EHD4: variants seen among roughly 807,000 people sequenced by gnomAD.
EHD4 encodes the protein EH domain-containing protein 4.
Under a neutral mutation model 51.0 loss-of-function variants are expected in EHD4, and 37 were observed. That is an observed-to-expected ratio of 0.73 (90% CI 0.56 to 0.95). EHD4 has a LOEUF of 0.95. EHD4 is among the 40% of genes least tolerant of loss of function. EHD4 has a pLI of 0.00. For synonymous variants in EHD4, 297 were observed against 317.3 expected, an observed-to-expected ratio of 0.94 and a Z score of 0.68; for missense variants, 632 against 733.1, an observed-to-expected ratio of 0.86 and a Z score of 1.59.
chr15:41,924,382 C>T (rs1257451837), intron 3 of EHD4, among the ~76,000 whole-genome samples: 1 of 152,194 alleles, frequency 6.6e-6, no homozygotes, highest in Non-Finnish European at 1.5e-5. Flanking sequence ...ATTACTTCAC[C>T]TCTCTGTGCC....
chr15:41,912,482 G>A (rs1041274796), intron 4 of EHD4, among the ~76,000 whole-genome samples: 5 of 152,126 alleles, frequency 3.3e-5, no homozygotes, highest in African/African-American at 1.2e-4. Flanking sequence ...GTCACTTAAG[G>A]TCAGGAGTTT....
rs145101817 is a variant in EHD4, at chr15:41,919,588, G to C, written c.546C>G (p.Ala182=). 1 of 1,517,034 alleles carries C rather than the reference G, an allele frequency of 6.6e-7. No individual in the cohort carries two copies. Among genetic ancestry groups the C allele is most frequent in the Non-Finnish European group, 8.8e-7 (1 of 1,133,578 alleles). The allele number at this position is 1,517,034 out of a possible 1,614,324, so 94.0% of individuals were successfully genotyped here. ...YDFCQVLQWF[A]ERVDRIILLF... ...GCAGGATGATCCTGTCCACCCTCTC[G>C]GCAAACCACTGCAGGACCTGGCAGA... The change falls in exon 4 of 6, where the codon GCC becomes GCG. Residue 182 remains alanine, a synonymous_variant. Coordinates refer to ENST00000220325, the MANE Select transcript of EHD4 (RefSeq NM_139265.4).
chr15:41,902,856 G>A (rs2067487270), intron 5 of EHD4, among the ~76,000 whole-genome samples: 1 of 147,922 alleles, frequency 6.8e-6, no homozygotes, highest in African/African-American at 2.5e-5. Flanking sequence ...TATATGTTAG[G>A]GAGAGGAAGG....
chr15:41,910,004 G>C (rs1377433195), intron 4 of EHD4, 141 bp from the exon 5 acceptor site: 1 of 1,094,928 alleles, frequency 9.1e-7, no homozygotes, highest in Non-Finnish European at 1.3e-6. Context: ...GGAGGGGAGG[G>C]TCCAGGGGGA....
chr15:41,936,375 C>T (rs1281730520), intron 3 of EHD4, among the ~76,000 whole-genome samples: 3 of 152,122 alleles, frequency 2.0e-5, no homozygotes, highest in African/African-American at 7.2e-5. Flanking sequence ...ATTGCTCCTA[C>T]CTCACAGAGC....
rs564734471 is a variant in EHD4 at position 41,896,363 on chromosome 15, C to T, written c.*4282G>A. ...TATTGTTGCATCAATAGGCTCATTTCTATATACTGCAAGGTTCAGAGAAGA... is the reference window on the plus strand; with the variant it reads ...TATTGTTGCATCAATAGGCTCATTTTTATATACTGCAAGGTTCAGAGAAGA... On this transcript the variant is annotated 3_prime_UTR_variant, in exon 6 of 6. Coordinates refer to ENST00000220325, the MANE Select transcript of EHD4 (RefSeq NM_139265.4). 1 of 152,350 alleles carries T rather than the reference C, an allele frequency of 6.6e-6. No homozygotes were observed. The highest frequency in any genetic ancestry group is 1.9e-4 in the East Asian group (1 of 5,192). The allele number at this position is 152,350 out of a possible 1,614,324, so 9.4% of individuals were successfully genotyped here.
At chr15:41,940,879 C>T (rs17687882) in intron 3 of EHD4, among the ~76,000 whole-genome samples, 14,573 of 152,214 alleles carry the variant, frequency 0.096, 938 homozygotes, top group Non-Finnish European at 0.14. Flanking sequence ...GGCTAAAGGC[C>T]TACCAATGAA....
At chr15:41,904,283 G>T (rs1024299335) in intron 5 of EHD4, among the ~76,000 whole-genome samples, 6 of 152,180 alleles carry the variant, frequency 3.9e-5, no homozygotes, top group African/African-American at 1.4e-4. Context: ...CATATTTGCA[G>T]GGGTGGACAG....
chr15:41,971,165 C>T (rs2067992696), intron 1 of EHD4, among the ~76,000 whole-genome samples: 1 of 152,192 alleles, frequency 6.6e-6, no homozygotes, highest in African/African-American at 2.4e-5. Context: ...TTTGTAGGAA[C>T]TATTTAGGTC....
At position 41,960,271 on chromosome 15, in the gene EHD4, T is replaced by C. The variant is rs117954154; in HGVS notation, c.237-6331A>G. On this transcript the variant is annotated intron_variant, in intron 1 of 5. Coordinates refer to ENST00000220325, the MANE Select transcript of EHD4 (RefSeq NM_139265.4). The stretch of plus-strand genomic sequence containing the variant: ...AGTTTATAGAGGAGAAAACTGCTTA[T>C]GCCAAGTTAAATAGCTTACAGGAGA... Among the ~76,000 whole-genome samples, 173 of 152,364 alleles carry C rather than the reference T, an allele frequency of 1.1e-3. 1 individual carries two copies. In the East Asian group the frequency reaches 0.029, roughly 25 times the overall value.
At chr15:41,902,347 C>A (rs746266261) in intron 5 of EHD4, among the ~76,000 whole-genome samples, 46 of 152,246 alleles carry the variant, frequency 3.0e-4, no homozygotes, top group Non-Finnish European at 5.3e-4. Flanking sequence ...ATTCAACCAA[C>A]CCTCCATCCA....
intron 1 of EHD4, among the ~76,000 whole-genome samples, chr15:41,971,884 C>A (rs923289402): frequency 1.3e-5 from 2 of 152,270 alleles, no homozygotes; most frequent in African/African-American, 2.4e-5. Flanking sequence ...CTGTCCCATT[C>A]GGATACCCTA....
intron 2 of EHD4, among the ~76,000 whole-genome samples, chr15:41,951,912 A>G (rs1009207549): frequency 6.6e-6 from 1 of 152,218 alleles, no homozygotes; most frequent in African/African-American, 2.4e-5. Context: ...GGTTGGAAAA[A>G]AATCACCTGG....
At chr15:41,945,111 G>T (rs1420668715) in intron 2 of EHD4, among the ~76,000 whole-genome samples, 2 of 152,140 alleles carry the variant, frequency 1.3e-5, no homozygotes, top group Non-Finnish European at 2.9e-5. Flanking sequence ...TCTCAGTGCC[G>T]TCCCATTCTT....
At chr15:41,922,119 T>G (rs919669637) in intron 3 of EHD4, among the ~76,000 whole-genome samples, 2 of 152,248 alleles carry the variant, frequency 1.3e-5, no homozygotes, top group Admixed American at 6.5e-5. Flanking sequence ...CTGGGCACGG[T>G]GGCTAATGCC....
chr15:41,938,855 C>CA (rs2067748406), intron 3 of EHD4, among the ~76,000 whole-genome samples: 1 of 152,148 alleles, frequency 6.6e-6, no homozygotes, highest in Admixed American at 6.5e-5. Flanking sequence ...TATAATTTTT[C>CA]AAAGGATGTT....
intron 1 of EHD4, among the ~76,000 whole-genome samples, chr15:41,960,606 T>TC (rs2141008193): frequency 6.6e-6 from 1 of 152,136 alleles, no homozygotes; most frequent in African/African-American, 2.4e-5. Flanking sequence ...AACAAACATC[T>TC]CATCTACTTA....
At chr15:41,910,971 T>C (rs958448794) in intron 4 of EHD4, among the ~76,000 whole-genome samples, 17 of 152,308 alleles carry the variant, frequency 1.1e-4, no homozygotes, top group East Asian at 1.9e-4. Flanking sequence ...AAAATGACTA[T>C]GTAGCAACGG....
At chr15:41,966,910 TAAG>T (rs1376961172) in intron 1 of EHD4, among the ~76,000 whole-genome samples, 3 of 152,186 alleles carry the variant, frequency 2.0e-5, no homozygotes, top group African/African-American at 7.2e-5. Context: ...TCCTCTCACT[TAAG>T]AGTCCTGTGC....
Sources: allele counts gnomAD v4.1 joint callset (sites outside exome capture counted in the v4.1 genomes callset), GRCh38; gene constraint gnomAD v4.1.1; transcripts MANE v1.5; gene names NCBI Gene and HGNC (gene_info 2026-07-23, HGNC 2026-07-21).